DAB1: variants seen among roughly 807,000 people sequenced by gnomAD.
The protein encoded by DAB1 is disabled homolog 1.
Under a neutral mutation model 64.6 loss-of-function variants are expected in DAB1, and 15 were observed. The ratio of observed to expected loss-of-function variants is 0.23; its 90% confidence interval spans 0.16 to 0.36. The LOEUF (loss-of-function observed/expected upper bound fraction) is 0.36, where lower values mean the gene tolerates loss of function less well. Among genes scored for constraint, DAB1 ranks in the 10% least tolerant of loss-of-function variants. The pLI is 1.00. For missense variants in DAB1, 596 were observed against 706.7 expected, an observed-to-expected ratio of 0.84 and a Z score of 1.78; for synonymous variants, 235 against 251.9, an observed-to-expected ratio of 0.93 and a Z score of 0.64.
At chr1:57,040,264 A>G (rs1269668436) in intron 9 of DAB1, among the ~76,000 whole-genome samples, 1 of 152,094 alleles carries the variant, frequency 6.6e-6, no homozygotes, top group African/African-American at 2.4e-5. Context: ...GATGGTGGAA[A>G]TGCTGTTGTC....
intron 2 of DAB1, among the ~76,000 whole-genome samples, chr1:57,155,181 C>A (rs1482496828): frequency 6.6e-6 from 1 of 152,150 alleles, no homozygotes; most frequent in East Asian, 1.9e-4. Context: ...TAAGTCTTTA[C>A]CCATTTTGAT....
At chr1:57,117,950 C>T (rs1235986779) in intron 4 of DAB1, among the ~76,000 whole-genome samples, 1 of 152,196 alleles carries the variant, frequency 6.6e-6, no homozygotes, top group Non-Finnish European at 1.5e-5. Context: ...TAGTGTTCAG[C>T]TGGCTTGCTG....
intron 3 of DAB1, among the ~76,000 whole-genome samples, chr1:58,416,017 C>T (rs1193714028): frequency 6.6e-6 from 1 of 152,146 alleles, no homozygotes; most frequent in Non-Finnish European, 1.5e-5. Flanking sequence ...ATAAGCAATA[C>T]CTTCTATTAC....
intron 5 of DAB1, among the ~76,000 whole-genome samples, chr1:58,047,723 A>G (rs1035966370): frequency 6.6e-6 from 1 of 152,186 alleles, no homozygotes; most frequent in Non-Finnish European, 1.5e-5. Context: ...GGGCTCTTCT[A>G]TTGACACTCT....
intron 4 of DAB1, among the ~76,000 whole-genome samples, chr1:58,225,956 TAA>T (rs5774402): frequency 0.02 from 2,666 of 130,890 alleles, 23 homozygotes; most frequent in East Asian, 0.033. Context: ...AACTTAGTAT[TAA>T]AAAAAAAAAA....
intron 6 of DAB1, among the ~76,000 whole-genome samples, chr1:57,671,424 G>A (rs1646509014): frequency 6.6e-6 from 1 of 152,092 alleles, no homozygotes; most frequent in African/African-American, 2.4e-5. Context: ...TTAGACCAAT[G>A]AGGCAGCAGC....
intron 4 of DAB1, among the ~76,000 whole-genome samples, chr1:58,308,132 C>T (rs1662347091): frequency 6.6e-6 from 1 of 152,130 alleles, no homozygotes; most frequent in Admixed American, 6.5e-5. Flanking sequence ...AAACACATTG[C>T]TCCAGGGTGA....
chr1:58,284,102 T>G (rs72912338), intron 4 of DAB1, among the ~76,000 whole-genome samples: 2 of 152,226 alleles, frequency 1.3e-5, no homozygotes, highest in African/African-American at 4.8e-5. Context: ...TCCAGGTGGG[T>G]TGACAGACTT....
At chr1:57,382,770 A>C (rs1426525947) in intron 1 of DAB1, among the ~76,000 whole-genome samples, 1 of 152,134 alleles carries the variant, frequency 6.6e-6, no homozygotes, top group Non-Finnish European at 1.5e-5. Flanking sequence ...TGATAATCCA[A>C]GATCTTCATA....
At chr1:57,017,087 C>A (rs571135985) in intron 11 of DAB1, among the ~76,000 whole-genome samples, 1 of 152,226 alleles carries the variant, frequency 6.6e-6, no homozygotes, top group East Asian at 1.9e-4. Flanking sequence ...GTTAATAGAC[C>A]TCCTTGCCTT....
chr1:57,667,352 C>A (rs745939248), intron 6 of DAB1, among the ~76,000 whole-genome samples: 9 of 152,156 alleles, frequency 5.9e-5, no homozygotes, highest in Admixed American at 1.3e-4. Context: ...ACTGAGTTGA[C>A]AGACACAGTA....
In DAB1 at chr1:57,068,456, A is replaced by ATT. The variant is rs201421122; in HGVS notation, c.663+903_663+904insAA. 5.2e-3 allele frequency among the ~76,000 whole-genome samples: 785 copies of ATT among 152,354 alleles called. 8 individuals carry two copies. Among genetic ancestry groups the ATT allele is most frequent in the African/African-American group, 0.018 (744 of 41,594 alleles). The stretch of plus-strand genomic sequence containing the variant: ...TCATTTAGAATTCTATGCATTTGAC[A>ATT]GAAATTGAAAATATGTTTTACTTTT... On this transcript the variant is annotated intron_variant, in intron 8 of 14. Transcript: ENST00000371236.
intron 6 of DAB1, among the ~76,000 whole-genome samples, chr1:57,745,302 G>A (rs1418327752): frequency 6.6e-6 from 1 of 152,044 alleles, no homozygotes; most frequent in Non-Finnish European, 1.5e-5. Flanking sequence ...CAGGGGTAGG[G>A]CTCACCAATG....
chr1:58,095,175 G>A (rs994551908), intron 5 of DAB1, among the ~76,000 whole-genome samples: 4 of 152,172 alleles, frequency 2.6e-5, no homozygotes, highest in African/African-American at 4.8e-5. Context: ...CCCCAGCACA[G>A]AGCCTGGCTC....
chr1:57,392,292 G>C (rs1174091558), intron 1 of DAB1, among the ~76,000 whole-genome samples: 1 of 152,180 alleles, frequency 6.6e-6, no homozygotes, highest in East Asian at 1.9e-4. Context: ...AGAATTGCTT[G>C]AACCCAGGGG....
chr1:58,444,094 C>G (rs1645040646), intron 3 of DAB1, among the ~76,000 whole-genome samples: 1 of 152,204 alleles, frequency 6.6e-6, no homozygotes, highest in African/African-American at 2.4e-5. Flanking sequence ...GGTTCTTATT[C>G]AAACTCCAGT....
intron 3 of DAB1, among the ~76,000 whole-genome samples, chr1:58,344,856 T>C (rs1643978893): frequency 7.1e-6 from 1 of 140,350 alleles, no homozygotes; most frequent in South Asian, 2.5e-4. Flanking sequence ...GGGCACAAGA[T>C]AGGCTCTTAT....
chr1:57,662,445 C>T (rs1325159756), intron 6 of DAB1, among the ~76,000 whole-genome samples: 1 of 152,184 alleles, frequency 6.6e-6, no homozygotes, highest in Non-Finnish European at 1.5e-5. Flanking sequence ...ATCCGCCCAT[C>T]TCCACCTCCC....
intron 6 of DAB1, among the ~76,000 whole-genome samples, chr1:57,661,750 A>G (rs1038963255): frequency 2.6e-5 from 4 of 152,138 alleles, no homozygotes; most frequent in Non-Finnish European, 4.4e-5. Context: ...TATAAATCCT[A>G]TGTAAATAGT....
Sources: allele counts gnomAD v4.1 joint callset (sites outside exome capture counted in the v4.1 genomes callset), GRCh38; gene constraint gnomAD v4.1.1; transcripts MANE v1.5; gene names NCBI Gene and HGNC (gene_info 2026-07-23, HGNC 2026-07-21).